The following AVL9 variants were observed in gnomAD, a reference collection of about 807,000 sequenced individuals.
AVL9 encodes the protein late secretory pathway protein AVL9 homolog.
Under a neutral mutation model 79.2 loss-of-function variants are expected in AVL9, and 49 were observed. The observed-to-expected ratio is 0.62, with a 90% CI of 0.49 to 0.79. The LOEUF is 0.79. AVL9 is among the 30% of genes least tolerant of loss of function. AVL9 has a pLI of 0.00. For synonymous variants in AVL9, 299 were observed against 280.6 expected (o/e 1.07, Z -0.65); for missense variants, 682 against 776.8 (o/e 0.88, Z 1.45).
intron 1 of AVL9, among the ~76,000 whole-genome samples, chr7:32,504,603 G>A (rs895453294): frequency 1.3e-5 from 2 of 152,186 alleles, no homozygotes; most frequent in Non-Finnish European, 2.9e-5. Flanking sequence ...TATAAAATGA[G>A]AGTTTTAAAG....
chr7:32,573,365 G>C lies in AVL9; in HGVS notation c.1517G>C (p.Arg506Pro). The stretch of plus-strand genomic sequence containing the variant: ...TGGGAGGGAGGTGACGAATGGATCC[G>C]GGCCCAGTTTGCGGTCTACATTCAT... Reference protein sequence around the residue: ...TGWEGGDEWIRAQFAVYIHAL... With the variant: ...TGWEGGDEWIPAQFAVYIHAL... Residue 506 changes from arginine (R) to proline (P), a missense_variant, in exon 12 of 16, where the codon CGG (arginine) becomes CCG (proline). By Grantham distance (103) the Arg-to-Pro change is moderately radical (BLOSUM62 -2). Coordinates refer to ENST00000318709, the MANE Select transcript of AVL9 (RefSeq NM_015060.3). The C allele has an allele frequency of 1.2e-6, 2 of 1,613,480 alleles. No individual in the cohort carries two copies. The highest frequency in any genetic ancestry group is 1.7e-6 in the Non-Finnish European group (2 of 1,179,968).
intron 1 of AVL9, among the ~76,000 whole-genome samples, chr7:32,504,197 C>A (rs1787309303): frequency 6.6e-6 from 1 of 152,116 alleles, no homozygotes. Flanking sequence ...ATTAACATTT[C>A]AATTAAATAC....
rs183677876 is a variant in AVL9, at chr7:32,571,906, G to A, written c.1351-1293G>A. On this transcript the variant is annotated intron_variant, in intron 11 of 15. Coordinates refer to ENST00000318709, the MANE Select transcript of AVL9 (RefSeq NM_015060.3). ...TGGCCGGGCACAGTGGCTCACGCCT[G>A]TAATCCCAGCACTTTGGGAGGCCAA... 5.8e-3 allele frequency among the ~76,000 whole-genome samples: 884 copies of A among 152,326 alleles called. 8 individuals are homozygous for A. The highest frequency in any genetic ancestry group is 0.02 in the African/African-American group (846 of 41,572).
At chr7:32,500,212 T>G (rs6952501) in intron 1 of AVL9, among the ~76,000 whole-genome samples, 1 of 152,214 alleles carries the variant, frequency 6.6e-6, no homozygotes, top group African/African-American at 2.4e-5. Flanking sequence ...CTTCCATCAA[T>G]AGTGTAAAAG....
At chr7:32,497,653 CTTT>C (rs59504023) in intron 1 of AVL9, among the ~76,000 whole-genome samples, 1 of 117,098 alleles carries the variant, frequency 8.5e-6, no homozygotes, top group Non-Finnish European at 1.8e-5. Flanking sequence ...ACCATTAGTT[CTTT>C]TTTTTTTTTT....
In AVL9 at chr7:32,517,651, T is replaced by C. The variant is rs921090211; in HGVS notation, c.93+21849T>C. ...CTTTAAAATTACTTGTAAAGTAATA[T>C]GAGAAATGTCTTAAGAATTGTCAGC... On this transcript the variant is annotated intron_variant, in intron 1 of 15. Transcript: ENST00000318709. 3.9e-5 allele frequency among the ~76,000 whole-genome samples: 6 copies of C among 152,156 alleles called. No homozygotes were observed. In the East Asian group the frequency reaches 9.6e-4, roughly 24 times the overall value.
chr7:32,574,355 T>C (rs1790990072), intron 12 of AVL9, among the ~76,000 whole-genome samples: 1 of 152,114 alleles, frequency 6.6e-6, no homozygotes, highest in Non-Finnish European at 1.5e-5. Context: ...CAAGCCCTCG[T>C]TTGTTAATGA....
At chr7:32,539,743 G>A (rs1053917436) in intron 1 of AVL9, among the ~76,000 whole-genome samples, 2 of 152,166 alleles carry the variant, frequency 1.3e-5, no homozygotes, top group African/African-American at 4.8e-5. Flanking sequence ...GGGTTTCACT[G>A]GGCTAAAATC....
At chr7:32,523,102 G>A (rs1214927826) in intron 1 of AVL9, among the ~76,000 whole-genome samples, 3 of 141,382 alleles carry the variant, frequency 2.1e-5, no homozygotes, top group Admixed American at 7.7e-5. Context: ...CAAATTTGCT[G>A]TCCCTCATGG....
intron 3 of AVL9, among the ~76,000 whole-genome samples, chr7:32,545,476 C>G (rs1020704105): frequency 4.0e-5 from 6 of 149,958 alleles, no homozygotes; most frequent in Non-Finnish European, 1.5e-5. Flanking sequence ...CTCAAGCCCT[C>G]CTCCCATCTC....
intron 12 of AVL9, 129 bp downstream of exon 12, chr7:32,573,547 ACAAAGATAG>A (rs1790954785): frequency 1.2e-6 from 1 of 802,306 alleles, no homozygotes; most frequent in Admixed American, 2.9e-5. Context: ...ATTCCCTCAT[ACAAAGATAG>A]CCACTTTTAA....
intron 1 of AVL9, among the ~76,000 whole-genome samples, chr7:32,542,310 C>A (rs1278762891): frequency 1.4e-5 from 2 of 144,076 alleles, no homozygotes; most frequent in Non-Finnish European, 3.0e-5. Flanking sequence ...GAGGCCAGGG[C>A]AGGCGGATTA....
In AVL9 at chr7:32,521,248, G is replaced by A. The variant is rs1437498503; in HGVS notation, c.94-21893G>A. On this transcript the variant is annotated intron_variant, in intron 1 of 15. Coordinates refer to ENST00000318709, the MANE Select transcript of AVL9 (RefSeq NM_015060.3). ...ACTTTGGAACTGGGTAACAGGCAGA[G>A]GTTGGAACAGTTTGGAGGACTCAGA... 7.2e-5 allele frequency among the ~76,000 whole-genome samples: 11 copies of A among 152,316 alleles called. No homozygotes were observed. In the South Asian group the frequency reaches 2.1e-3, roughly 29 times the overall value.
At chr7:32,572,987 ATGTG>A (rs1313253768) in intron 11 of AVL9, among the ~76,000 whole-genome samples, 2 of 152,100 alleles carry the variant, frequency 1.3e-5, no homozygotes, top group African/African-American at 2.4e-5. Context: ...TACTATATTT[ATGTG>A]TGTATTTTCT....
In AVL9 at chr7:32,558,644, T is replaced by C. The variant is rs746725811; in HGVS notation, c.679+16T>C. ...CTTTTTCCAGGTAAGAAAACAGCAGTATCTACTCTTTCTTTTGTTTAACTT... is the reference window on the plus strand; with the variant it reads ...CTTTTTCCAGGTAAGAAAACAGCAGCATCTACTCTTTCTTTTGTTTAACTT... On this transcript the variant is annotated intron_variant, in intron 9 of 15. Coordinates refer to ENST00000318709, the MANE Select transcript of AVL9 (RefSeq NM_015060.3). 2.5e-6 allele frequency: 4 copies of C among 1,580,338 alleles called. No individual in the cohort carries two copies. The highest frequency in any genetic ancestry group is 3.4e-6 in the Non-Finnish European group (4 of 1,159,450).
At chr7:32,517,677 A>G (rs1406612713) in intron 1 of AVL9, among the ~76,000 whole-genome samples, 1 of 152,186 alleles carries the variant, frequency 6.6e-6, no homozygotes, top group African/African-American at 2.4e-5. Context: ...AATTGTCAGC[A>G]TACATTTTTG....
chr7:32,574,469 T>C (rs1386614824), intron 12 of AVL9, among the ~76,000 whole-genome samples: 1 of 152,226 alleles, frequency 6.6e-6, no homozygotes, highest in Non-Finnish European at 1.5e-5. Context: ...AAAACTTCAG[T>C]CTCCACTGCC....
chr7:32,541,122 C>G (rs1403974206), intron 1 of AVL9, among the ~76,000 whole-genome samples: 1 of 151,608 alleles, frequency 6.6e-6, no homozygotes, highest in South Asian at 2.1e-4. Flanking sequence ...GGGATGGTCT[C>G]GATCTCCTGA....
At chr7:32,566,598 G>T (rs186221248) in intron 10 of AVL9, among the ~76,000 whole-genome samples, 1,607 of 152,092 alleles carry the variant, frequency 0.011, 22 homozygotes, top group African/African-American at 0.036. Context: ...GTGACTTTTG[G>T]CCAGGTGCGG....
Sources: allele counts gnomAD v4.1 joint callset (sites outside exome capture counted in the v4.1 genomes callset), GRCh38; gene constraint gnomAD v4.1.1; transcripts MANE v1.5; gene names NCBI Gene and HGNC (gene_info 2026-07-23, HGNC 2026-07-21).